KLHL2: variants seen among roughly 807,000 people sequenced by gnomAD.
KLHL2 encodes kelch-like protein 2.
KLHL2 carries 15 observed loss-of-function variants against 75.8 expected under a neutral mutation model. The ratio of observed to expected loss-of-function variants is 0.20; its 90% CI spans 0.13 to 0.30. The LOEUF (loss-of-function observed/expected upper bound fraction) is 0.30, where lower values mean the gene tolerates loss of function less well. KLHL2 is among the 10% of genes least tolerant of loss of function. The pLI is 1.00. For missense variants in KLHL2, 381 were observed against 741.0 expected, an observed-to-expected ratio of 0.51 and a Z score of 5.64; for synonymous variants, 214 against 251.9, an observed-to-expected ratio of 0.85 and a Z score of 1.42.
chr4:165,233,290 A>G (rs2111064615), intron 3 of KLHL2, among the ~76,000 whole-genome samples: 1 of 152,352 alleles, frequency 6.6e-6, no homozygotes, highest in African/African-American at 2.4e-5. Context: ...GAAAGAACAT[A>G]CCAAATTGGG....
intron 1 of KLHL2, among the ~76,000 whole-genome samples, chr4:165,208,759 G>A (rs564089454): frequency 3.3e-4 from 50 of 152,214 alleles, no homozygotes; most frequent in African/African-American, 1.2e-3. Context: ...CTCTTAGGAA[G>A]GAACAAGAGT....
At chr4:165,309,209 C>T (rs1311841395) in intron 9 of KLHL2, among the ~76,000 whole-genome samples, 1 of 152,048 alleles carries the variant, frequency 6.6e-6, no homozygotes, top group Non-Finnish European at 1.5e-5. Context: ...ATTTATTAAA[C>T]CTGAAGTACA....
rs182270244 is a variant in KLHL2 at position 165,210,442 on chromosome 4, C to G, written c.26+2540C>G. ...CTTTTGTGCTTTTTCTATTCCTTGCCTCCAACTTTCATCCTTTTTAATTCT... is the reference window on the plus strand; with the variant it reads ...CTTTTGTGCTTTTTCTATTCCTTGCGTCCAACTTTCATCCTTTTTAATTCT... On this transcript the variant is annotated intron_variant, in intron 1 of 14. Coordinates refer to ENST00000226725, the MANE Select transcript of KLHL2 (RefSeq NM_007246.4). Among the ~76,000 whole-genome samples the G allele has an allele frequency of 4.1e-4, 62 of 152,234 alleles. 1 individual carries two copies. The East Asian group carries it at 5.4e-3, about 13-fold the overall frequency.
intron 5 of KLHL2, among the ~76,000 whole-genome samples, chr4:165,264,767 A>AG: frequency 1.4e-5 from 1 of 72,042 alleles, no homozygotes. Flanking sequence ...TATATATATA[A>AG]AACATTATCC....
At chr4:165,318,704 A>G (rs75890658) in intron 14 of KLHL2, among the ~76,000 whole-genome samples, 1,843 of 152,326 alleles carry the variant, frequency 0.012, 27 homozygotes, top group African/African-American at 0.04. Context: ...CTGACAGAAT[A>G]CATAGCGTAC....
At chr4:165,226,856 C>T (rs1046405441) in intron 2 of KLHL2, among the ~76,000 whole-genome samples, 5 of 152,056 alleles carry the variant, frequency 3.3e-5, no homozygotes, top group Non-Finnish European at 5.9e-5. Flanking sequence ...CCTGTGGATT[C>T]GAATCCTGGC....
intron 4 of KLHL2, among the ~76,000 whole-genome samples, chr4:165,256,886 A>T (rs1385886409): frequency 1.3e-5 from 2 of 152,192 alleles, no homozygotes; most frequent in African/African-American, 4.8e-5. Flanking sequence ...CATACTGTAG[A>T]TTCTTTTAGA....
chr4:165,229,712 C>T (rs1738730758), intron 3 of KLHL2, among the ~76,000 whole-genome samples: 1 of 152,170 alleles, frequency 6.6e-6, no homozygotes, highest in South Asian at 2.1e-4. Context: ...GATGGATGTG[C>T]ACCCTTTAAT....
At chr4:165,285,922 C>G (rs1007671077) in intron 5 of KLHL2, among the ~76,000 whole-genome samples, 4 of 151,934 alleles carry the variant, frequency 2.6e-5, no homozygotes, top group African/African-American at 9.7e-5. Flanking sequence ...CGGTTTGAAA[C>G]GTAGGTATAT....
At chr4:165,282,974 T>G (rs182088305) in intron 5 of KLHL2, among the ~76,000 whole-genome samples, 41 of 152,072 alleles carry the variant, frequency 2.7e-4, no homozygotes, top group Admixed American at 2.7e-3. Context: ...TCATATCTTA[T>G]GTGGATGGCA....
intron 4 of KLHL2, among the ~76,000 whole-genome samples, chr4:165,246,483 G>A (rs1233447348): frequency 6.6e-6 from 1 of 152,024 alleles, no homozygotes; most frequent in Non-Finnish European, 1.5e-5. Flanking sequence ...GATACCTGTT[G>A]GGGTAGGCTA....
intron 4 of KLHL2, among the ~76,000 whole-genome samples, chr4:165,261,780 G>A (rs2111226898): frequency 6.6e-6 from 1 of 152,298 alleles, no homozygotes; most frequent in South Asian, 2.1e-4. Flanking sequence ...TGTGAATGAT[G>A]TCTTTCTTTT....
intron 7 of KLHL2, among the ~76,000 whole-genome samples, chr4:165,298,939 GCCCCCCCT>G (rs1220958076): frequency 9.8e-6 from 1 of 101,626 alleles, no homozygotes; most frequent in Non-Finnish European, 1.9e-5. Flanking sequence ...CCTTCCCCCC[GCCCCCCCT>G]CCCCCCCCAG....
intron 3 of KLHL2, among the ~76,000 whole-genome samples, chr4:165,233,259 A>C (rs1156284623): frequency 5.3e-5 from 8 of 152,234 alleles, no homozygotes; most frequent in Non-Finnish European, 1.0e-4. Context: ...AGCAAGGCCA[A>C]GTTGTTTAAC....
At chr4:165,282,521 G>A (rs1743771356) in intron 5 of KLHL2, among the ~76,000 whole-genome samples, 1 of 152,126 alleles carries the variant, frequency 6.6e-6, no homozygotes, top group Admixed American at 6.5e-5. Flanking sequence ...GTGAAATTGA[G>A]TTTATTTTTC....
intron 4 of KLHL2, among the ~76,000 whole-genome samples, chr4:165,252,999 C>G (rs1413819796): frequency 6.6e-6 from 1 of 152,158 alleles, no homozygotes; most frequent in African/African-American, 2.4e-5. Context: ...TTAATATTGG[C>G]ATATAACACA....
At chr4:165,254,246 C>A (rs893862509) in intron 4 of KLHL2, among the ~76,000 whole-genome samples, 3 of 152,188 alleles carry the variant, frequency 2.0e-5, no homozygotes, top group African/African-American at 7.2e-5. Context: ...TTTGTTATAG[C>A]AAATACTTTA....
chr4:165,222,172 G>C (rs558584237), intron 2 of KLHL2, among the ~76,000 whole-genome samples: 4 of 152,268 alleles, frequency 2.6e-5, no homozygotes, highest in African/African-American at 9.6e-5. Flanking sequence ...TGAATGACCT[G>C]AGTTTTGGGA....
At chr4:165,247,184 A>T (rs1239720276) in intron 4 of KLHL2, among the ~76,000 whole-genome samples, 1 of 152,188 alleles carries the variant, frequency 6.6e-6, no homozygotes, top group Non-Finnish European at 1.5e-5. Context: ...TTGTCTGATT[A>T]GTGTTTACTT....
Sources: gnomAD v4.1 joint callset for allele counts (sites outside exome capture counted in the v4.1 genomes callset) on GRCh38, gnomAD v4.1.1 for gene constraint, MANE v1.5 for transcripts, NCBI Gene and HGNC (gene_info 2026-07-23, HGNC 2026-07-21) for gene names.